IQGAP2: variants seen among roughly 807,000 people sequenced by gnomAD.
The protein encoded by IQGAP2 is IQ motif containing GTPase activating protein 2, also known as ras GTPase-activating-like protein IQGAP2.
In IQGAP2, 173 loss-of-function variants were observed where a neutral mutation model predicts 201.3. The ratio of observed to expected loss-of-function variants is 0.86; its 90% CI spans 0.76 to 0.98. The LOEUF (loss-of-function observed/expected upper bound fraction) is 0.98. IQGAP2 is among the 50% of genes least tolerant of loss of function. The pLI, the probability that IQGAP2 is intolerant of heterozygous loss-of-function variation, is 0.00. For synonymous variants in IQGAP2, 675 were observed against 673.9 expected (o/e 1.00, Z -0.03); for missense variants, 1,687 against 1,864.8 (o/e 0.90, Z 1.76).
At chr5:76,566,904 G>A (rs1183506532) in intron 3 of IQGAP2, among the ~76,000 whole-genome samples, 1 of 151,920 alleles carries the variant, frequency 6.6e-6, no homozygotes, top group Admixed American at 6.6e-5. Context: ...GGTTTCCATG[G>A]TGGGGACTTG....
chr5:76,428,499 G>A (rs188271035), intron 1 of IQGAP2, among the ~76,000 whole-genome samples: 211 of 148,168 alleles, frequency 1.4e-3, no homozygotes, highest in Admixed American at 6.4e-3. Flanking sequence ...GTGCAATGGC[G>A]CAATCTCTGC....
intron 1 of IQGAP2, among the ~76,000 whole-genome samples, chr5:76,424,593 G>A (rs1751897617): frequency 1.3e-5 from 2 of 152,264 alleles, no homozygotes; most frequent in Middle Eastern, 3.4e-3. Flanking sequence ...CACCACGCCC[G>A]GCCCTAACAG....
Position 76,652,924 on chromosome 5 carries a change from G to T in IQGAP2, c.2178+91G>T, listed in dbSNP as rs139993546. The T allele has an allele frequency of 1.2e-3, 969 of 842,128 alleles. 4 individuals carry two copies. In the African/African-American group the frequency reaches 0.014, roughly 12 times the overall value. The allele number at this position is 842,128 out of a possible 1,614,324, so 52.2% of individuals were successfully genotyped here. ...CTGAAAGACAGCTATAGAAAGGGAGGGTACATGTGAGCCTTGAAGTCAGAA... is the reference window on the plus strand; with the variant it reads ...CTGAAAGACAGCTATAGAAAGGGAGTGTACATGTGAGCCTTGAAGTCAGAA... On this transcript the variant is annotated intron_variant, in intron 18 of 35. Coordinates refer to ENST00000274364, the MANE Select transcript of IQGAP2 (RefSeq NM_006633.5).
At chr5:76,704,922 C>T (rs1561616340) in intron 35 of IQGAP2, among the ~76,000 whole-genome samples, 1 of 152,150 alleles carries the variant, frequency 6.6e-6, no homozygotes, top group African/African-American at 2.4e-5. Flanking sequence ...AACATTACAG[C>T]TCTATGTCTC....
At chr5:76,430,935 A>C (rs1204246344) in intron 1 of IQGAP2, among the ~76,000 whole-genome samples, 1 of 152,230 alleles carries the variant, frequency 6.6e-6, no homozygotes, top group South Asian at 2.1e-4. Flanking sequence ...TATTTATATT[A>C]GGAATATGAT....
chr5:76,470,873 C>T (rs1296672249), intron 2 of IQGAP2, among the ~76,000 whole-genome samples: 1 of 152,152 alleles, frequency 6.6e-6, no homozygotes, highest in African/African-American at 2.4e-5. Flanking sequence ...TGAAATGAAA[C>T]TGTACAGACA....
At chr5:76,457,868 G>C (rs1361548324) in intron 1 of IQGAP2, among the ~76,000 whole-genome samples, 1 of 152,214 alleles carries the variant, frequency 6.6e-6, no homozygotes, top group Non-Finnish European at 1.5e-5. Flanking sequence ...ACTGTCATCT[G>C]ATGCTGCAAG....
chr5:76,701,338 C>T, intron 34 of IQGAP2, 125 bp downstream of exon 34: 1 of 877,928 alleles, frequency 1.1e-6, no homozygotes, highest in South Asian at 1.6e-5. Flanking sequence ...GGGAAGAATA[C>T]ACAAATTGTT....
At chr5:76,546,282 A>G (rs1282512658) in intron 2 of IQGAP2, among the ~76,000 whole-genome samples, 1 of 152,156 alleles carries the variant, frequency 6.6e-6, no homozygotes, top group Non-Finnish European at 1.5e-5. Flanking sequence ...CTAAAAATAC[A>G]AAAATTGGTC....
intron 16 of IQGAP2, among the ~76,000 whole-genome samples, chr5:76,640,049 T>A (rs1751445343): frequency 6.6e-6 from 1 of 152,212 alleles, no homozygotes; most frequent in South Asian, 2.1e-4. Flanking sequence ...ATATCAAGCA[T>A]CAGTCTGTTA....
At chr5:76,640,109 A>T (rs181607899) in intron 16 of IQGAP2, among the ~76,000 whole-genome samples, 122 of 128,774 alleles carry the variant, frequency 9.5e-4, no homozygotes, top group African/African-American at 3.3e-3. Context: ...AATTGTATTT[A>T]TTCTAAACAA....
intron 1 of IQGAP2, among the ~76,000 whole-genome samples, chr5:76,441,151 G>A (rs538191476): frequency 7.2e-5 from 11 of 152,270 alleles, no homozygotes; most frequent in South Asian, 6.2e-4. Flanking sequence ...TTTCGTGAGC[G>A]GAAATAATAG....
intron 2 of IQGAP2, among the ~76,000 whole-genome samples, chr5:76,496,789 CTTTCTCTTTCTTTCTTTCTCTT>C (rs1561416825): frequency 2.6e-4 from 26 of 101,128 alleles, no homozygotes; most frequent in African/African-American, 1.1e-3. Flanking sequence ...TTCTTTCTTT[CTTTCTCTTTCTTTCTTTCTCTT>C]TCTTTCTTTC....
chr5:76,478,962 G>A (rs1393134681), intron 2 of IQGAP2, among the ~76,000 whole-genome samples: 1 of 152,120 alleles, frequency 6.6e-6, no homozygotes, highest in Non-Finnish European at 1.5e-5. Context: ...GAGAAACCAG[G>A]AGGTGTTTAG....
At chr5:76,678,782 G>A (rs1298241903) in intron 28 of IQGAP2, among the ~76,000 whole-genome samples, 1 of 152,226 alleles carries the variant, frequency 6.6e-6, no homozygotes, top group Non-Finnish European at 1.5e-5. Flanking sequence ...ATACTGACAA[G>A]TGGCAGGTTA....
intron 21 of IQGAP2, 25 bp downstream of exon 21, chr5:76,658,692 A>T (rs1742976403): frequency 6.3e-7 from 1 of 1,590,426 alleles, no homozygotes; most frequent in Non-Finnish European, 8.6e-7. Context: ...TGGGACTGTC[A>T]GCTCCCAGAA....
chr5:76,683,868 T>C lies in IQGAP2; in HGVS notation c.3856T>C (p.Tyr1286His), dbSNP rs1745516594. The change falls in exon 30 of 36, where the codon TAT becomes CAT. Residue 1286 changes from tyrosine (Y) to histidine (H), a missense_variant. Tyr to His is a moderately conservative substitution (Grantham distance 83). Transcript: ENST00000274364. Reference sequence around the variant, plus strand: ...GATTTCTCTTGTCTTGACAAGCAAATATGACATAGAGGACGGTGAAGCTAT... The same window carrying C: ...GATTTCTCTTGTCTTGACAAGCAAACATGACATAGAGGACGGTGAAGCTAT... ...TEISLVLTSKYDIEDGEAIDS... is the reference protein window; with the variant it reads ...TEISLVLTSKHDIEDGEAIDS... 1 of 1,613,408 alleles carries C rather than the reference T, an allele frequency of 6.2e-7. No homozygotes were observed. Among genetic ancestry groups the C allele is most frequent in the Non-Finnish European group, 8.5e-7 (1 of 1,179,664 alleles).
chr5:76,507,873 G>T (rs1166499522), intron 2 of IQGAP2, among the ~76,000 whole-genome samples: 1 of 152,026 alleles, frequency 6.6e-6, no homozygotes, highest in Non-Finnish European at 1.5e-5. Context: ...GCTGGGCGTG[G>T]TGACACGCGC....
intron 18 of IQGAP2, among the ~76,000 whole-genome samples, chr5:76,653,626 A>T (rs1752684307): frequency 6.6e-6 from 1 of 152,218 alleles, no homozygotes; most frequent in African/African-American, 2.4e-5. Flanking sequence ...AAACAAATTT[A>T]AAAAACGTTT....
Sources: gnomAD v4.1 joint callset for allele counts (sites outside exome capture counted in the v4.1 genomes callset) on GRCh38, gnomAD v4.1.1 for gene constraint, MANE v1.5 for transcripts, NCBI Gene and HGNC (gene_info 2026-07-23, HGNC 2026-07-21) for gene names.